Variants in CACNA2D4 observed in about 807,000 individuals in gnomAD.
The protein encoded by CACNA2D4 is voltage-dependent calcium channel subunit alpha-2/delta-4.
Under a neutral mutation model 163.8 loss-of-function variants are expected in CACNA2D4, and 157 were observed. That is an observed-to-expected ratio of 0.96 (90% CI 0.84 to 1.09). The LOEUF is 1.09. Ranked by LOEUF, CACNA2D4 falls within the 50% of genes least tolerant of loss-of-function variation. CACNA2D4 has a pLI of 0.00. For synonymous variants in CACNA2D4, 598 were observed against 586.9 expected (o/e 1.02, Z -0.27); for missense variants, 1,410 against 1,479.9 (o/e 0.95, Z 0.78).
chr12:1,834,462 C>T lies in CACNA2D4; in HGVS notation c.2551+6277G>A, dbSNP rs377646243. The T allele has an allele frequency of 5.2e-5, 84 of 1,610,808 alleles. No individual in the cohort carries two copies. The African/African-American group carries it at 7.3e-4, about 14-fold the overall frequency. On this transcript the variant is annotated intron_variant, in intron 26 of 37. Coordinates refer to ENST00000382722, the MANE Select transcript of CACNA2D4 (RefSeq NM_172364.5). This position sits in a 1 kb window ranked among gnomAD's most constrained non-coding sequence, Gnocchi z 7.6. ...GCTAAGCCCAAGCCCGGGGCTGAGCCGGAGCCGGAGCCCAGCACAGCCTGC... is the reference window on the plus strand; with the variant it reads ...GCTAAGCCCAAGCCCGGGGCTGAGCTGGAGCCGGAGCCCAGCACAGCCTGC...
chr12:1,895,266 G>A (rs990800920), intron 6 of CACNA2D4, among the ~76,000 whole-genome samples: 1 of 151,832 alleles, frequency 6.6e-6, no homozygotes, highest in Admixed American at 6.6e-5. Flanking sequence ...TTATGGACTG[G>A]GATAATTAAT....
chr12:1,811,058 G>T (rs1863690338), intron 27 of CACNA2D4, among the ~76,000 whole-genome samples: 1 of 152,188 alleles, frequency 6.6e-6, no homozygotes, highest in Non-Finnish European at 1.5e-5. Flanking sequence ...GGTGACCGCA[G>T]CCCCCTGCCC....
chr12:1,918,340 GC>G lies in CACNA2D4; in HGVS notation c.133del (p.Ala45ProfsTer15). 1 of 1,609,152 alleles carries G rather than the reference GC, an allele frequency of 6.2e-7. No individual in the cohort carries two copies. The highest frequency in any genetic ancestry group is 8.5e-7 in the Non-Finnish European group (1 of 1,177,758). ...IPLQPMPVAW[A>X]FVQKTSALLW... ...GAGGGCCGAGGTCTTCTGCACAAAGGCCCAGGCCACGGGCATTGGCTGGAGG... is the reference window on the plus strand; with the variant it reads ...GAGGGCCGAGGTCTTCTGCACAAAGGCCAGGCCACGGGCATTGGCTGGAGG... On this transcript the variant is annotated frameshift_variant, in exon 1 of 38. Coordinates refer to ENST00000382722, the MANE Select transcript of CACNA2D4 (RefSeq NM_172364.5). LOFTEE classifies it high-confidence loss of function.
intron 26 of CACNA2D4, among the ~76,000 whole-genome samples, chr12:1,819,146 G>T (rs1211445652): frequency 6.6e-6 from 1 of 152,168 alleles, no homozygotes; most frequent in Admixed American, 6.5e-5. Flanking sequence ...CCTTGCAGGG[G>T]GCGTTTAAGG....
chr12:1,844,300 A>G lies in CACNA2D4; in HGVS notation c.2470+102T>C, dbSNP rs538300749. On this transcript the variant is annotated intron_variant, in intron 25 of 37. Coordinates refer to ENST00000382722, the MANE Select transcript of CACNA2D4 (RefSeq NM_172364.5). The surrounding 1 kb of genome is among the most constrained non-coding windows in gnomAD (Gnocchi z 4.2). ...GGAACCCTGGTGGTCTGGACATTCT[A>G]TTCCATATCTCGTTCCCATTTCCCA... is the stretch of plus-strand genomic sequence containing the variant. 3.1e-4 allele frequency: 432 copies of G among 1,381,872 alleles called. 1 individual carries two copies. Among genetic ancestry groups the G allele is most frequent in the Non-Finnish European group, 4.0e-4 (404 of 1,009,216 alleles). The allele number at this position is 1,381,872 out of a possible 1,614,324, so 85.6% of individuals were successfully genotyped here.
chr12:1,888,008 A>T (rs1866191215), intron 6 of CACNA2D4, among the ~76,000 whole-genome samples: 1 of 152,142 alleles, frequency 6.6e-6, no homozygotes, highest in African/African-American at 2.4e-5. Flanking sequence ...AACAAATGAG[A>T]ACAGAGCCCC....
At position 1,795,347 on chromosome 12, in the gene CACNA2D4, G is replaced by T. The variant is rs1283433681; in HGVS notation, c.3261C>A (p.Ser1087=). 10 of 1,612,464 alleles carry T rather than the reference G, an allele frequency of 6.2e-6. No individual in the cohort carries two copies. The highest frequency in any genetic ancestry group is 8.5e-6 in the Non-Finnish European group (10 of 1,179,878). ...NASVKCDRMR[S]QKLRRRPDSC... ...AGTCTGGTCGCCGGCGGAGCTTCTG[G>T]GAGCGCATCCGGTCACATTTGACAG... Residue 1087 remains serine (S), a synonymous_variant, in exon 37 of 38, where the codon TCC becomes TCA. Transcript: ENST00000382722.
intron 16 of CACNA2D4, among the ~76,000 whole-genome samples, chr12:1,876,446 G>A (rs1033381655): frequency 3.3e-5 from 5 of 152,140 alleles, no homozygotes; most frequent in Admixed American, 6.5e-5. Context: ...AGCACTTCCC[G>A]GGTTTAGTTT....
intron 6 of CACNA2D4, among the ~76,000 whole-genome samples, chr12:1,905,847 A>G (rs952229436): frequency 6.6e-6 from 1 of 152,172 alleles, no homozygotes; most frequent in Non-Finnish European, 1.5e-5. Context: ...TAAAATTTAT[A>G]TGGAACTCAA....
intron 22 of CACNA2D4, among the ~76,000 whole-genome samples, 169 bp from the exon 23 acceptor site, chr12:1,854,213 C>G (rs548833265): frequency 6.6e-6 from 1 of 152,188 alleles, no homozygotes; most frequent in South Asian, 2.1e-4. Context: ...TCTGTCTTCA[C>G]TTTCTCAACT....
chr12:1,884,133 T>C, intron 12 of CACNA2D4, 110 bp downstream of exon 12: 2 of 860,220 alleles, frequency 2.3e-6, no homozygotes, highest in South Asian at 1.5e-5. Context: ...ATAGCACTGC[T>C]CCTCTTAGGG....
intron 12 of CACNA2D4, chr12:1,884,023 T>G: frequency 1.9e-6 from 1 of 529,160 alleles, no homozygotes; most frequent in East Asian, 2.9e-5. Context: ...TGGCTTACTT[T>G]GCTGAAAGAA....
rs1418442328 is a variant in CACNA2D4, at chr12:1,797,434, A to T, written c.3097T>A (p.Cys1033Ser). Residue 1033 changes from cysteine to serine, a missense_variant, in exon 35 of 38, where the codon TGC becomes AGC. Cys to Ser is a moderately radical substitution (Grantham distance 112). Transcript: ENST00000382722. The stretch of plus-strand genomic sequence containing the variant: ...CGGTCTTACTTCTGGCAGGGCCCGC[A>T]CTCCACGATCCCGTTGGCCTCCCGG... ...AIREANGIVE[C>S]GPCQKVFVVQ... 3 of 1,554,522 alleles carry T rather than the reference A, an allele frequency of 1.9e-6. No individual in the cohort carries two copies. The highest frequency in any genetic ancestry group is 2.4e-5 in the East Asian group (1 of 41,904).
intron 6 of CACNA2D4, among the ~76,000 whole-genome samples, chr12:1,902,600 G>A (rs1179158706): frequency 1.3e-5 from 2 of 151,794 alleles, no homozygotes; most frequent in East Asian, 3.9e-4. Context: ...AATCAAGAAA[G>A]TAATCCCATT....
chr12:1,841,070 C>T (rs1291684047), intron 25 of CACNA2D4, among the ~76,000 whole-genome samples: 1 of 152,234 alleles, frequency 6.6e-6, no homozygotes, highest in Non-Finnish European at 1.5e-5. Flanking sequence ...AGTGGCCCCA[C>T]GACACTGGGG....
In CACNA2D4 at chr12:1,917,622, A is replaced by G. The variant is rs984636642; in HGVS notation, c.227+625T>C. Among the ~76,000 whole-genome samples, 2 of 152,176 alleles carry G rather than the reference A, an allele frequency of 1.3e-5. No individual in the cohort carries two copies. The highest frequency in any genetic ancestry group is 3.9e-4 in the East Asian group (2 of 5,190). ...TTGCACAGTAATTTACATGTACACC[A>G]AGGTGCACATGACTGATACCGGGTT... is the stretch of plus-strand genomic sequence containing the variant. On this transcript the variant is annotated intron_variant, in intron 1 of 37. Transcript: ENST00000382722. The surrounding 1 kb of genome is among the most constrained non-coding windows in gnomAD (Gnocchi z 4.3).
chr12:1,856,290 A>C, intron 20 of CACNA2D4, 61 bp from the exon 21 acceptor site: 1 of 1,577,036 alleles, frequency 6.3e-7, no homozygotes, highest in Non-Finnish European at 8.7e-7. Context: ...TGTGTGTCTC[A>C]ATTGTAGAAA....
In CACNA2D4 at chr12:1,806,573, G is replaced by A. The variant is rs77295699; in HGVS notation, c.2721+3705C>T. Among the ~76,000 whole-genome samples the A allele has an allele frequency of 8.6e-3, 1,315 of 152,302 alleles. 9 individuals carry two copies. Among genetic ancestry groups the A allele is most frequent in the Non-Finnish European group, 0.014 (945 of 68,024 alleles). The stretch of plus-strand genomic sequence containing the variant: ...CAGGCCCCTGGGTAAGCCCTAGCAG[G>A]GACAAGGAGTCGCTGGAAGCCTTTG... On this transcript the variant is annotated intron_variant, in intron 29 of 37. Coordinates refer to ENST00000382722, the MANE Select transcript of CACNA2D4 (RefSeq NM_172364.5). The surrounding 1 kb of genome is among the most constrained non-coding windows in gnomAD (Gnocchi z 4.1).
chr12:1,804,899 G>T (rs73043819), intron 29 of CACNA2D4, among the ~76,000 whole-genome samples: 19,296 of 152,268 alleles, frequency 0.13, 1,278 homozygotes, highest in Non-Finnish European at 0.14. Context: ...CTTCTCTTCT[G>T]GCAGCAGAAC....
Sources: allele counts gnomAD v4.1 joint callset (sites outside exome capture counted in the v4.1 genomes callset), GRCh38; gene constraint gnomAD v4.1.1; non-coding constraint Gnocchi (gnomAD v3.1); transcripts MANE v1.5; gene names NCBI Gene and HGNC (gene_info 2026-07-23, HGNC 2026-07-21).